The following APOOL variants were observed in gnomAD, a reference collection of about 807,000 sequenced individuals.
APOOL encodes apolipoprotein O like, also known as MICOS complex subunit MIC27.
A neutral mutation model predicts 23.1 loss-of-function variants in APOOL; 12 were observed. The ratio of observed to expected loss-of-function variants is 0.52; its 90% CI spans 0.33 to 0.84. APOOL has a LOEUF of 0.84. Ranked by LOEUF, APOOL falls within the 40% of genes least tolerant of loss-of-function variation. The pLI, the probability that APOOL is intolerant of heterozygous loss-of-function variation, is 0.02. For missense variants in APOOL, 212 were observed against 199.6 expected (o/e 1.06, Z -0.37); for synonymous variants, 77 against 69.9 (o/e 1.10, Z -0.51).
In APOOL at chrX:85,022,368, C is replaced by T. The variant is rs369395820; in HGVS notation, c.15+18441C>T. ...TACTAGTAAACTGAACTCAACAGCA[C>T]ATTAAAATAATCGTTTACCCTGATC... On this transcript the variant is annotated intron_variant, in intron 1 of 8. Transcript: ENST00000373173. 1.2e-4 allele frequency among the ~76,000 whole-genome samples: 13 copies of T among 111,801 alleles called. No homozygotes were observed. In the East Asian group the frequency reaches 2.5e-3, roughly 22 times the overall value.
rs992902609 is a variant in APOOL, at chrX:85,092,657, CTA to C, written c.*4981_*4982del. On this transcript the variant is annotated 3_prime_UTR_variant, in exon 9 of 9. Coordinates refer to ENST00000373173, the MANE Select transcript of APOOL (RefSeq NM_198450.6). The stretch of plus-strand genomic sequence containing the variant: ...TTGAAGGTCTACTCTATGCAAGACA[CTA>C]TGTGTGAATAATACTTCCAAATATA... 1.0e-5 allele frequency: 8 copies of C among 791,265 alleles called. No individual in the cohort carries two copies. Among genetic ancestry groups the C allele is most frequent in the Admixed American group, 7.1e-5 (2 of 28,000 alleles). 65.2% of individuals were successfully genotyped at this position (791,265 alleles called of 1,213,427 possible). A position where few individuals can be genotyped will look rare whatever the true frequency, so the allele number is the denominator to read the frequency against.
At chrX:85,051,630 A>G (rs1922784658) in intron 3 of APOOL, 122 bp downstream of exon 3, 4 of 905,954 alleles carry the variant, frequency 4.4e-6, no homozygotes, top group Non-Finnish European at 6.1e-6. Context: ...ATTATATTAC[A>G]TCTTATGATT....
At position 85,067,219 on chromosome X, in the gene APOOL, G is replaced by T. The variant is rs758278528; in HGVS notation, c.486+1G>T. 2 of 1,116,535 alleles carry T rather than the reference G, an allele frequency of 1.8e-6. No individual in the cohort carries two copies. Among genetic ancestry groups the T allele is most frequent in the Admixed American group, 2.7e-5 (1 of 37,718 alleles). The allele number at this position is 1,116,535 out of a possible 1,213,427, so 92.0% of individuals were successfully genotyped here. On this transcript the variant is annotated splice_donor_variant, in intron 6 of 8. Coordinates refer to ENST00000373173, the MANE Select transcript of APOOL (RefSeq NM_198450.6). LOFTEE classifies it high-confidence loss of function. ...AGTTCAGTCCGTAATAATTGCTAAG[G>T]TAAGTTCTTTTTAAATAATAGCAAC...
At chrX:85,014,140 ACT>A (rs1921385429) in intron 1 of APOOL, among the ~76,000 whole-genome samples, 1 of 110,526 alleles carries the variant, frequency 9.0e-6, no homozygotes. Flanking sequence ...AAGAGTAGCT[ACT>A]CCTGCTCACT....
At chrX:85,069,842 C>A (rs1199470729) in intron 6 of APOOL, among the ~76,000 whole-genome samples, 3 of 110,371 alleles carry the variant, frequency 2.7e-5, no homozygotes, top group African/African-American at 9.9e-5. Flanking sequence ...TTATTTCTCC[C>A]AGCTGTTATA....
chrX:85,058,993 C>T (rs1923082491), intron 5 of APOOL, among the ~76,000 whole-genome samples: 2 of 107,471 alleles, frequency 1.9e-5, no homozygotes, highest in Admixed American at 2.0e-4. Context: ...CGTCATTTAG[C>T]ATTAGCTATA....
chrX:85,041,360 A>G (rs773046940), intron 1 of APOOL, among the ~76,000 whole-genome samples: 2 of 111,751 alleles, frequency 1.8e-5, no homozygotes, highest in South Asian at 7.6e-4. Context: ...GGCATTGGCA[A>G]AAATGTCAGT....
Position 85,092,298 on chromosome X carries a change from G to T in APOOL, c.*4620G>T. The T allele has an allele frequency of 1.1e-6, 1 of 917,637 alleles. No individual in the cohort carries two copies. The highest frequency in any genetic ancestry group is 1.5e-6 in the Non-Finnish European group (1 of 683,977). The allele number at this position is 917,637 out of a possible 1,213,427, so 75.6% of individuals were successfully genotyped here. On this transcript the variant is annotated 3_prime_UTR_variant, in exon 9 of 9. Coordinates refer to ENST00000373173, the MANE Select transcript of APOOL (RefSeq NM_198450.6). ...TCAAACAAGAATGTGATGATCACTT[G>T]CTGTATTGTACAACAAAGTCAAACT...
intron 5 of APOOL, among the ~76,000 whole-genome samples, chrX:85,057,509 A>G (rs1923013539): frequency 9.5e-6 from 1 of 105,792 alleles, no homozygotes; most frequent in Admixed American, 1.1e-4. Flanking sequence ...TATAACATAT[A>G]TATAATATAT....
intron 5 of APOOL, among the ~76,000 whole-genome samples, chrX:85,066,582 G>A (rs1923466071): frequency 9.0e-6 from 1 of 111,371 alleles, no homozygotes; most frequent in Admixed American, 9.6e-5. Flanking sequence ...CATTACTTAT[G>A]TCAGGTTACT....
chrX:85,052,688 C>T (rs1922823699), intron 3 of APOOL, among the ~76,000 whole-genome samples: 1 of 111,644 alleles, frequency 9.0e-6, no homozygotes, highest in South Asian at 3.7e-4. Context: ...GTTTGTCATA[C>T]AATTCTTATG....
intron 1 of APOOL, among the ~76,000 whole-genome samples, chrX:85,032,525 A>AG (rs1922075985): frequency 9.0e-6 from 1 of 111,311 alleles, no homozygotes; most frequent in African/African-American, 3.3e-5. Context: ...AAAAAAAAAA[A>AG]AAAAGTTTTA....
At chrX:85,049,942 C>T (rs759153536) in intron 2 of APOOL, among the ~76,000 whole-genome samples, 33 of 111,571 alleles carry the variant, frequency 3.0e-4, no homozygotes, top group Non-Finnish European at 4.1e-4. Context: ...AAGTAAATAA[C>T]GTTGCCCACT....
intron 2 of APOOL, among the ~76,000 whole-genome samples, chrX:85,049,779 C>T (rs1569456854): frequency 1.3e-5 from 1 of 76,710 alleles, no homozygotes; most frequent in Non-Finnish European, 2.6e-5. Flanking sequence ...AAAACAAGAC[C>T]GTCTCAAAAA....
rs777353755 is a variant in APOOL, at chrX:85,005,156, A to T, written c.15+1229A>T. Reference sequence around the variant, plus strand: ...TCTATTTTATTTTATTTTATTTTTTATTTTTGAGACGGAGTCTCTCTCTGT... The same window carrying T: ...TCTATTTTATTTTATTTTATTTTTTTTTTTTGAGACGGAGTCTCTCTCTGT... On this transcript the variant is annotated intron_variant, in intron 1 of 8. Coordinates refer to ENST00000373173, the MANE Select transcript of APOOL (RefSeq NM_198450.6). Among the ~76,000 whole-genome samples the T allele has an allele frequency of 2.8e-5, 3 of 108,770 alleles. No homozygotes were observed. The Admixed American group carries it at 3.0e-4, about 11-fold the overall frequency. 94.5% of individuals were successfully genotyped at this position (108,770 alleles called of 115,157 possible).
At chrX:85,071,981 G>C (rs1342645461) in intron 6 of APOOL, among the ~76,000 whole-genome samples, 1 of 111,456 alleles carries the variant, frequency 9.0e-6, no homozygotes. Context: ...GGTGGCGTGC[G>C]CCTGTAGTCC....
intron 1 of APOOL, among the ~76,000 whole-genome samples, chrX:85,032,928 G>A (rs1922093538): frequency 1.8e-5 from 2 of 111,607 alleles, no homozygotes; most frequent in Non-Finnish European, 3.8e-5. Flanking sequence ...CCCTTTCTTC[G>A]TAACTCAGTA....
chrX:85,024,130 T>A (rs915447394), intron 1 of APOOL, among the ~76,000 whole-genome samples: 1 of 112,284 alleles, frequency 8.9e-6, no homozygotes, highest in Non-Finnish European at 1.9e-5. Flanking sequence ...TGCTTAGTGA[T>A]CAGTGGTTGG....
intron 1 of APOOL, among the ~76,000 whole-genome samples, chrX:85,038,524 G>GTTTTTTTTTTTTTTTTTTTTT (rs56248244): frequency 2.3e-5 from 1 of 43,445 alleles, no homozygotes; most frequent in African/African-American, 1.1e-4. Context: ...TCTGGTACAA[G>GTTTTTTTTTTTTTTTTTTTTT]TTTTTTTTTT....
Sources: gnomAD v4.1 joint callset for allele counts (sites outside exome capture counted in the v4.1 genomes callset) on GRCh38, gnomAD v4.1.1 for gene constraint, MANE v1.5 for transcripts, NCBI Gene and HGNC (gene_info 2026-07-23, HGNC 2026-07-21) for gene names.